Variants in ABCB4 observed in about 807,000 individuals in gnomAD.
ABCB4 encodes ATP binding cassette subfamily B member 4, also known as phosphatidylcholine translocator ABCB4.
ABCB4 carries 76 observed loss-of-function variants against 145.7 expected under a neutral mutation model. The ratio of observed to expected loss-of-function variants is 0.52; its 90% CI spans 0.43 to 0.63. The LOEUF is 0.63. Among genes scored for constraint, ABCB4 ranks in the 30% least tolerant of loss-of-function variants. ABCB4 has a pLI of 0.00. For synonymous variants in ABCB4, 517 were observed against 566.8 expected (o/e 0.91, Z 1.25); for missense variants, 1,234 against 1,553.1 (o/e 0.79, Z 3.45).
rs756502124 is a variant in ABCB4, at chr7:87,408,023, G to T, written c.3279+14C>A. 1 of 1,612,904 alleles carries T rather than the reference G, an allele frequency of 6.2e-7. No homozygotes were observed. Among genetic ancestry groups the T allele is most frequent in the South Asian group, 1.1e-5 (1 of 91,032 alleles). ...AATATAGCCTTCAATCAAGTTATAA[G>T]GAAATGTGCTCACCACTGTCCCCGC... On this transcript the variant is annotated intron_variant, in intron 25 of 27. Coordinates refer to ENST00000649586, the MANE Select transcript of ABCB4 (RefSeq NM_000443.4).
chr7:87,475,460 A>T lies in ABCB4; in HGVS notation c.6T>A (p.Asp2Glu). Reference protein sequence around the residue: MDLEAAKNGTAW... With the variant: MELEAAKNGTAW... ...CTGTTCCGTTCTTTGCCGCCTCAAG[A>T]TCCATCTCAGCCTGAGGAGAAACCA... The change falls in exon 2 of 28, where the codon GAT becomes GAA. Residue 2 changes from aspartate to glutamate, a missense_variant. By Grantham distance (45) the Asp-to-Glu change is conservative (BLOSUM62 2). This residue lies in a region of ABCB4 where 77 missense variants were observed against 73.3 expected (regional missense o/e 1.05). Transcript: ENST00000649586. 1 of 1,613,986 alleles carries T rather than the reference A, an allele frequency of 6.2e-7. No homozygotes were observed. The highest frequency in any genetic ancestry group is 8.5e-7 in the Non-Finnish European group (1 of 1,179,966).
At chr7:87,466,119 C>T (rs770989618) in intron 3 of ABCB4, among the ~76,000 whole-genome samples, 12 of 152,172 alleles carry the variant, frequency 7.9e-5, no homozygotes, top group Middle Eastern at 3.4e-3. Context: ...GACGGAAGTT[C>T]GAACCCATGG....
At chr7:87,461,813 G>A (rs750161166) in intron 4 of ABCB4, among the ~76,000 whole-genome samples, 20 of 152,138 alleles carry the variant, frequency 1.3e-4, no homozygotes, top group Non-Finnish European at 2.1e-4. Context: ...GAAATTACAC[G>A]TAAGGCCTAC....
rs927881922 is a variant in ABCB4 at position 87,475,678 on chromosome 7, G to C, written c.-51C>G. On this transcript the variant is annotated 5_prime_UTR_variant, in exon 1 of 28. Transcript: ENST00000649586. ...TGGCAGGGCCTCTGGACGCGCGGGC[G>C]CTGCAGCAGAGGGGCCTGGACTTTG... 44 of 598,900 alleles carry C rather than the reference G, an allele frequency of 7.3e-5. 1 individual carries two copies. The highest frequency in any genetic ancestry group is 8.6e-5 in the Non-Finnish European group (29 of 336,848). 37.1% of individuals were successfully genotyped at this position (598,900 alleles called of 1,614,324 possible). A position where few individuals can be genotyped will look rare whatever the true frequency, so the allele number is the denominator to read the frequency against.
chr7:87,409,403 G>T lies in ABCB4; in HGVS notation c.2925-11C>A. 2 of 1,613,608 alleles carry T rather than the reference G, an allele frequency of 1.2e-6. No homozygotes were observed. The highest frequency in any genetic ancestry group is 1.7e-6 in the Non-Finnish European group (2 of 1,179,748). On this transcript the variant is annotated splice_polypyrimidine_tract_variant and intron_variant, in intron 23 of 27. Transcript: ENST00000649586. ...ATTGCAGAAAACACCCTAGACAGAA[G>T]TAGAGGAATTCAAAAATTAGCTTTT...
At chr7:87,379,142 T>C in the ABCB4 span, among the ~76,000 whole-genome samples, 1 of 152,178 alleles carries the variant, frequency 6.6e-6, no homozygotes, top group Non-Finnish European at 1.5e-5. Context: ...GCCCCCTGGC[T>C]TCTTCCCTTC....
chr7:87,467,028 G>A (rs1424414307), intron 3 of ABCB4, among the ~76,000 whole-genome samples: 4 of 152,108 alleles, frequency 2.6e-5, no homozygotes, highest in African/African-American at 9.7e-5. Flanking sequence ...CATAATGACA[G>A]GATCAAATCC....
At position 87,462,744 on chromosome 7, in the gene ABCB4, A is replaced by G; in HGVS notation, c.286+14T>C. ...AATGCTATGGATTTTTTTAAAAGGT[A>G]AAGAAATGCTTACCTGGAAAGGAGA... On this transcript the variant is annotated intron_variant, in intron 4 of 27. Coordinates refer to ENST00000649586, the MANE Select transcript of ABCB4 (RefSeq NM_000443.4). The G allele has an allele frequency of 1.9e-6, 3 of 1,613,544 alleles. No individual in the cohort carries two copies. Among genetic ancestry groups the G allele is most frequent in the Non-Finnish European group, 2.5e-6 (3 of 1,179,522 alleles).
At chr7:87,382,563 T>C in the ABCB4 span, 1 of 1,602,600 alleles carries the variant, frequency 6.2e-7, no homozygotes, top group Middle Eastern at 1.7e-4. Flanking sequence ...ATTCAGTTTC[T>C]ATTTTCACAG....
In ABCB4 at chr7:87,439,740, A is replaced by G; in HGVS notation, c.1658T>C (p.Ile553Thr). The change falls in exon 14 of 28, where the codon ATC becomes ACC. Residue 553 changes from isoleucine (I) to threonine (T), a missense_variant. Physicochemically the swap from Ile to Thr is moderately conservative, Grantham distance 89. Coordinates refer to ENST00000649586, the MANE Select transcript of ABCB4 (RefSeq NM_000443.4). ...IARALVRNPKILLLDEATSAL... is the reference protein window; with the variant it reads ...IARALVRNPKTLLLDEATSAL... ...TGACGTGGCCTCATCCAGCAGAAGGATCTTGGGGTTGCGAACCAGGGCACG... is the reference window on the plus strand; with the variant it reads ...TGACGTGGCCTCATCCAGCAGAAGGGTCTTGGGGTTGCGAACCAGGGCACG... The G allele has an allele frequency of 6.2e-7, 1 of 1,614,084 alleles. No individual in the cohort carries two copies. Among genetic ancestry groups the G allele is most frequent in the Non-Finnish European group, 8.5e-7 (1 of 1,180,014 alleles).
At position 87,402,319 on chromosome 7, in the gene ABCB4, C is replaced by G. The variant is rs1209000243; in HGVS notation, c.3634-17G>C. The G allele has an allele frequency of 6.2e-7, 1 of 1,613,846 alleles. No homozygotes were observed. Among genetic ancestry groups the G allele is most frequent in the East Asian group, 2.2e-5 (1 of 44,858 alleles). On this transcript the variant is annotated splice_polypyrimidine_tract_variant and intron_variant, in intron 27 of 27. Transcript: ENST00000649586. ...TTGGACAACCTATTGATAAATCAGA[C>G]AGACACCTTATCCCAAAAATTGTAT... is the stretch of plus-strand genomic sequence containing the variant.
rs555001317 is a variant in ABCB4 at position 87,467,753 on chromosome 7, G to A, written c.136-4845C>T. On this transcript the variant is annotated intron_variant, in intron 3 of 27. Coordinates refer to ENST00000649586, the MANE Select transcript of ABCB4 (RefSeq NM_000443.4). ...AGGATTAAGAAACTCACTCAAAACC[G>A]CTCAACTACATGGAAACTGAACAAC... Among the ~76,000 whole-genome samples the A allele has an allele frequency of 6.6e-5, 10 of 152,228 alleles. No individual in the cohort carries two copies. In the South Asian group the frequency reaches 1.2e-3, roughly 19 times the overall value.
At chr7:87,398,166 C>A, downstream of ABCB4, 1 of 344,732 alleles carries the variant, frequency 2.9e-6, no homozygotes, top group Non-Finnish European at 5.6e-6. Context: ...TCATTAAAAA[C>A]TGTAGCATGA....
intron 4 of ABCB4, among the ~76,000 whole-genome samples, chr7:87,461,521 T>C (rs1812459313): frequency 6.6e-6 from 1 of 152,222 alleles, no homozygotes; most frequent in East Asian, 1.9e-4. Context: ...TACTGTGTAG[T>C]ATTGTTCTTG....
chr7:87,426,208 G>A (rs955410193), intron 16 of ABCB4, among the ~76,000 whole-genome samples: 1 of 152,186 alleles, frequency 6.6e-6, no homozygotes, highest in African/African-American at 2.4e-5. Context: ...GATCATAAGT[G>A]ACCCTGAGGA....
At chr7:87,407,885 C>T in intron 25 of ABCB4, 152 bp downstream of exon 25, 1 of 914,386 alleles carries the variant, frequency 1.1e-6, no homozygotes. Context: ...CATATATTTC[C>T]CAGATATGGT....
intron 27 of ABCB4, 119 bp downstream of exon 27, chr7:87,403,016 C>T: frequency 1.7e-6 from 2 of 1,145,282 alleles, no homozygotes; most frequent in Non-Finnish European, 2.6e-6. Context: ...AAATAAAAAC[C>T]ACTATCTAAC....
intron 3 of ABCB4, among the ~76,000 whole-genome samples, chr7:87,469,486 CCA>C (rs1813198896): frequency 6.6e-6 from 1 of 152,116 alleles, no homozygotes; most frequent in South Asian, 2.1e-4. Flanking sequence ...TTGTCTCAGC[CCA>C]AAGCCTCCTT....
chr7:87,394,288 G>A, the ABCB4 span, among the ~76,000 whole-genome samples: 3 of 152,122 alleles, frequency 2.0e-5, no homozygotes, highest in South Asian at 4.1e-4. Flanking sequence ...GAAGCAGTTT[G>A]TCTCTTTAGC....
Sources: allele counts gnomAD v4.1 joint callset (sites outside exome capture counted in the v4.1 genomes callset), GRCh38; gene constraint gnomAD v4.1.1; regional missense constraint gnomAD v4.1.1; transcripts MANE v1.5; gene names NCBI Gene and HGNC (gene_info 2026-07-23, HGNC 2026-07-21).